HYDIN: variants seen among roughly 807,000 people sequenced by gnomAD.
The protein encoded by HYDIN is axonemal central pair apparatus protein HYDIN.
In HYDIN, 132 loss-of-function variants were observed where a neutral mutation model predicts 403.9. The ratio of observed to expected loss-of-function variants is 0.33; its 90% CI spans 0.28 to 0.38. The LOEUF is 0.38. Among genes scored for constraint, HYDIN ranks in the 10% least tolerant of loss-of-function variants. The probability of loss-of-function intolerance (pLI) is 1.00; values close to 1 mark genes in which losing one functional copy is unlikely to be tolerated. For missense variants in HYDIN, 2,827 were observed against 5,009.5 expected (o/e 0.56, Z 13.15); for synonymous variants, 1,202 against 1,891.7 (o/e 0.64, Z 9.46).
At chr16:71,168,571 G>A (rs542781089) in intron 5 of HYDIN, among the ~76,000 whole-genome samples, 1 of 151,422 alleles carries the variant, frequency 6.6e-6, no homozygotes, top group African/African-American at 2.4e-5. Context: ...AGGTCGGTAG[G>A]GTGGCTCAAC....
intron 66 of HYDIN, among the ~76,000 whole-genome samples, chr16:70,867,234 T>G (rs1209176102): frequency 6.7e-6 from 1 of 148,668 alleles, no homozygotes; most frequent in African/African-American, 2.6e-5. Context: ...TACTCAGCCT[T>G]ATTTGTGATC....
chr16:71,042,852 T>C (rs1281470745), intron 18 of HYDIN, among the ~76,000 whole-genome samples: 1 of 152,000 alleles, frequency 6.6e-6, no homozygotes, highest in Non-Finnish European at 1.5e-5. Context: ...GGGCCTGCAA[T>C]GTGGCTGGCA....
intron 12 of HYDIN, among the ~76,000 whole-genome samples, chr16:71,082,606 G>T (rs577905548): frequency 6.6e-6 from 1 of 151,696 alleles, no homozygotes; most frequent in East Asian, 1.9e-4. Flanking sequence ...CACAGAGCAG[G>T]TGGAGTACTA....
chr16:71,126,584 A>G (rs998027799), intron 9 of HYDIN, among the ~76,000 whole-genome samples: 1 of 152,090 alleles, frequency 6.6e-6, no homozygotes, highest in African/African-American at 2.4e-5. Flanking sequence ...TGCAGTGGAG[A>G]TCGAGGCTGA....
Position 70,974,264 on chromosome 16 carries a change from G to A in HYDIN, c.4946C>T (p.Pro1649Leu), listed in dbSNP as rs1195167292. The change falls in exon 33 of 86, where the codon CCT becomes CTT. Residue 1649 changes from proline (P) to leucine (L), a missense_variant. By Grantham distance (98) the Pro-to-Leu change is moderately conservative. Coordinates refer to ENST00000393567, the MANE Select transcript of HYDIN (RefSeq NM_001270974.2). ...TTCAAATATTTCCGTTTCACAATGA[G>A]GTAGATTCTTTACACGATCTAGCTC... ...STELDRVKNL[P>L]HCETEIFEVR... 8 of 1,612,920 alleles carry A rather than the reference G, an allele frequency of 5.0e-6. No homozygotes were observed. The highest frequency in any genetic ancestry group is 1.3e-5 in the African/African-American group (1 of 74,858).
At chr16:71,084,472 C>G (rs1417743430) in intron 12 of HYDIN, among the ~76,000 whole-genome samples, 2 of 151,020 alleles carry the variant, frequency 1.3e-5, no homozygotes, top group Non-Finnish European at 2.9e-5. Flanking sequence ...CTGCAATCTC[C>G]GCCTCCTGGG....
intron 5 of HYDIN, among the ~76,000 whole-genome samples, chr16:71,174,704 C>T (rs1445009083): frequency 6.6e-6 from 1 of 152,124 alleles, no homozygotes; most frequent in Non-Finnish European, 1.5e-5. Context: ...ATTTCCATGA[C>T]TGAGGAGAGT....
At chr16:70,900,912 CTCTG>C (rs1567794534) in intron 53 of HYDIN, 88 bp downstream of exon 53, 2 of 491,658 alleles carry the variant, frequency 4.1e-6, no homozygotes, top group African/African-American at 6.5e-5. Flanking sequence ...ACAGGGAGAC[CTCTG>C]TGTGTGTGTG....
At chr16:71,207,479 C>T (rs368790626) in intron 1 of HYDIN, among the ~76,000 whole-genome samples, 1 of 152,172 alleles carries the variant, frequency 6.6e-6, no homozygotes. Context: ...CTCTTAGCTA[C>T]ACAAACCAGT....
chr16:71,159,760 T>C (rs2085922377), intron 6 of HYDIN, among the ~76,000 whole-genome samples: 1 of 151,502 alleles, frequency 6.6e-6, no homozygotes, highest in South Asian at 2.1e-4. Flanking sequence ...AGTGACATAT[T>C]TAAAGTACTG....
chr16:71,228,728 C>T (rs562721128), intron 1 of HYDIN, among the ~76,000 whole-genome samples: 1 of 152,180 alleles, frequency 6.6e-6, no homozygotes, highest in Non-Finnish European at 1.5e-5. Flanking sequence ...CTAGTTCAAC[C>T]ATTGTGGAAG....
At chr16:71,151,981 G>A (rs2085553240) in intron 7 of HYDIN, among the ~76,000 whole-genome samples, 1 of 152,156 alleles carries the variant, frequency 6.6e-6, no homozygotes, top group South Asian at 2.1e-4. Flanking sequence ...AGACTAGTGG[G>A]CACATATAAG....
chr16:70,877,565 C>T (rs1448347887), intron 62 of HYDIN, among the ~76,000 whole-genome samples: 1 of 152,214 alleles, frequency 6.6e-6, no homozygotes, highest in Non-Finnish European at 1.5e-5. Context: ...AACTGTTCCA[C>T]TTCAGATAAT....
In HYDIN at chr16:71,230,613, C is replaced by T; in HGVS notation, c.-75G>A. On this transcript the variant is annotated 5_prime_UTR_variant, in exon 1 of 86. Transcript: ENST00000393567. ...ATTCTACCTCCATTCCCCGCCAAGA[C>T]CCCGCGTCCAACTCACAGACCCCGC... The T allele has an allele frequency of 1.3e-6, 2 of 1,536,078 alleles. No individual in the cohort carries two copies. Among genetic ancestry groups the T allele is most frequent in the Non-Finnish European group, 8.7e-7 (1 of 1,146,878 alleles).
intron 1 of HYDIN, among the ~76,000 whole-genome samples, chr16:71,193,930 A>C (rs1339157946): frequency 6.6e-6 from 1 of 152,160 alleles, no homozygotes; most frequent in East Asian, 1.9e-4. Flanking sequence ...CTCCCAGTTA[A>C]ATCTTTGAAC....
rs373802728 is a variant in HYDIN at position 70,813,425 on chromosome 16, G to A, written c.14659-3418C>T. Among the ~76,000 whole-genome samples the A allele has an allele frequency of 1.4e-4, 21 of 152,276 alleles. No individual in the cohort carries two copies. The East Asian group carries it at 3.9e-3, about 28-fold the overall frequency. On this transcript the variant is annotated intron_variant, in intron 84 of 85. Transcript: ENST00000393567. ...TTCCAGCAACCACATGAGTGAGTCT[G>A]GAGACAGAAAATCTAGCCCCAGTCA...
At chr16:71,176,452 T>C (rs775942952) in intron 4 of HYDIN, among the ~76,000 whole-genome samples, 1 of 152,154 alleles carries the variant, frequency 6.6e-6, no homozygotes, top group Non-Finnish European at 1.5e-5. Context: ...ACCCCTTCAA[T>C]GGCCCATCTA....
intron 3 of HYDIN, among the ~76,000 whole-genome samples, chr16:71,182,752 G>A (rs541190380): frequency 3.9e-4 from 59 of 152,230 alleles, no homozygotes; most frequent in African/African-American, 1.2e-3. Context: ...ACAACAAAAA[G>A]TAGAATTTAA....
At chr16:71,110,504 T>TATAA (rs1345746185) in intron 10 of HYDIN, among the ~76,000 whole-genome samples, 18 of 143,334 alleles carry the variant, frequency 1.3e-4, no homozygotes, top group African/African-American at 4.6e-4. Flanking sequence ...ATTTCATATA[T>TATAA]ATATATCAAT....
Sources: gnomAD v4.1 joint callset for allele counts (sites outside exome capture counted in the v4.1 genomes callset) on GRCh38, gnomAD v4.1.1 for gene constraint, MANE v1.5 for transcripts, NCBI Gene and HGNC (gene_info 2026-07-23, HGNC 2026-07-21) for gene names.